RNLS: variants seen among roughly 807,000 people sequenced by gnomAD.
The protein encoded by RNLS is renalase, FAD dependent amine oxidase, also known as renalase.
In RNLS, 39 loss-of-function variants were observed where a neutral mutation model predicts 39.8. The observed-to-expected ratio is 0.98, with a 90% CI of 0.76 to 1.28. The LOEUF (loss-of-function observed/expected upper bound fraction) is 1.28, where lower values mean the gene tolerates loss of function less well. Ranked by LOEUF, RNLS falls within the 50% of genes most tolerant of loss-of-function variation. The pLI is 0.00. For synonymous variants in RNLS, 147 were observed against 150.7 expected (o/e 0.98, Z 0.18); for missense variants, 410 against 413.3 (o/e 0.99, Z 0.07).
the RNLS span, among the ~76,000 whole-genome samples, chr10:88,212,827 T>C: frequency 2.6e-5 from 4 of 152,216 alleles, no homozygotes; most frequent in African/African-American, 9.6e-5. Flanking sequence ...GCACATGTCT[T>C]GCCCAAGGGA....
intron 5 of RNLS, among the ~76,000 whole-genome samples, chr10:88,344,808 TG>T (rs1345573732): frequency 6.6e-6 from 1 of 152,132 alleles, no homozygotes; most frequent in African/African-American, 2.4e-5. Flanking sequence ...AACATGAATT[TG>T]GAATATTTTA....
chr10:88,263,654 A>AG, the RNLS span, among the ~76,000 whole-genome samples: 29 of 151,964 alleles, frequency 1.9e-4, no homozygotes, highest in Non-Finnish European at 4.1e-4. Context: ...ATTGGGAAAT[A>AG]GGGGGGTATT....
chr10:88,319,954 A>G (rs778647921), intron 5 of RNLS, among the ~76,000 whole-genome samples: 6 of 152,072 alleles, frequency 3.9e-5, no homozygotes, highest in Non-Finnish European at 8.8e-5. Context: ...GCAAGATACT[A>G]CAGAAGATGA....
intron 4 of RNLS, among the ~76,000 whole-genome samples, chr10:88,551,215 A>G (rs1218860573): frequency 6.6e-6 from 1 of 152,238 alleles, no homozygotes; most frequent in Non-Finnish European, 1.5e-5. Flanking sequence ...AAGCCAGCAT[A>G]GGTTTTCAAA....
chr10:88,545,000 T>G (rs2134302602), intron 4 of RNLS, among the ~76,000 whole-genome samples: 1 of 152,306 alleles, frequency 6.6e-6, no homozygotes, highest in East Asian at 1.9e-4. Context: ...TGGTAGCTAT[T>G]TGATAAAGAC....
At chr10:88,313,347 A>G (rs1383827605) in intron 6 of RNLS, among the ~76,000 whole-genome samples, 1 of 152,220 alleles carries the variant, frequency 6.6e-6, no homozygotes, top group Non-Finnish European at 1.5e-5. Flanking sequence ...TATCAACAAG[A>G]TTATTTCCCT....
intron 4 of RNLS, among the ~76,000 whole-genome samples, chr10:88,524,829 A>G (rs948712470): frequency 1.3e-5 from 2 of 151,292 alleles, no homozygotes; most frequent in Non-Finnish European, 2.9e-5. Context: ...GTATTCTTCA[A>G]GTACTAAAAC....
At chr10:88,420,235 G>A (rs1017598519) in intron 4 of RNLS, among the ~76,000 whole-genome samples, 10 of 151,908 alleles carry the variant, frequency 6.6e-5, no homozygotes, top group Non-Finnish European at 2.9e-5. Flanking sequence ...ATAATATCAT[G>A]TAAAGACTAG....
intron 6 of RNLS, chr10:88,309,356 T>C: frequency 8.2e-7 from 1 of 1,219,286 alleles, no homozygotes; most frequent in Non-Finnish European, 1.1e-6. Flanking sequence ...CACCTGACTT[T>C]TCAATGCTGA....
chr10:88,475,228 C>T (rs1420050739), intron 4 of RNLS, among the ~76,000 whole-genome samples: 1 of 152,180 alleles, frequency 6.6e-6, no homozygotes, highest in Non-Finnish European at 1.5e-5. Flanking sequence ...TTTTCACCTG[C>T]TCCACACTTT....
chr10:88,479,146 C>T (rs994943219), intron 4 of RNLS, among the ~76,000 whole-genome samples: 1 of 152,122 alleles, frequency 6.6e-6, no homozygotes, highest in African/African-American at 2.4e-5. Flanking sequence ...TTTGTATATC[C>T]TAGCATGGCA....
chr10:88,316,444 G>A (rs1484189176), intron 5 of RNLS, among the ~76,000 whole-genome samples: 1 of 152,162 alleles, frequency 6.6e-6, no homozygotes, highest in Non-Finnish European at 1.5e-5. Context: ...CAGTGACGGG[G>A]TATCAATGCC....
At chr10:88,551,441 T>C (rs1848594875) in intron 4 of RNLS, among the ~76,000 whole-genome samples, 1 of 152,196 alleles carries the variant, frequency 6.6e-6, no homozygotes. Context: ...CTTCGGCCTG[T>C]CCATGGACTA....
At chr10:88,327,795 G>A (rs753985829) in intron 5 of RNLS, among the ~76,000 whole-genome samples, 2 of 152,214 alleles carry the variant, frequency 1.3e-5, no homozygotes, top group Non-Finnish European at 2.9e-5. Flanking sequence ...TAGAGACGGA[G>A]TTTCACCATG....
chr10:88,350,972 C>G (rs893365627), intron 5 of RNLS, among the ~76,000 whole-genome samples: 2 of 152,200 alleles, frequency 1.3e-5, no homozygotes, highest in African/African-American at 2.4e-5. Flanking sequence ...TTGCATTTCT[C>G]TGATGGCCAG....
the RNLS span, among the ~76,000 whole-genome samples, chr10:88,213,803 C>T: frequency 1.2e-4 from 19 of 152,108 alleles, no homozygotes; most frequent in Non-Finnish European, 7.4e-5. Flanking sequence ...TTAACTGATC[C>T]TAGACTTTTT....
At chr10:88,492,623 T>G (rs1336445443) in intron 4 of RNLS, among the ~76,000 whole-genome samples, 2 of 152,076 alleles carry the variant, frequency 1.3e-5, no homozygotes, top group East Asian at 1.9e-4. Flanking sequence ...TTCTCTCTGT[T>G]GGCCAGGCTG....
At chr10:88,458,377 C>T (rs935004117) in intron 4 of RNLS, among the ~76,000 whole-genome samples, 10 of 152,170 alleles carry the variant, frequency 6.6e-5, no homozygotes, top group Non-Finnish European at 1.0e-4. Context: ...CTTCCTCCTC[C>T]GGTAATGTCT....
chr10:88,392,097 T>C (rs1852241879), intron 4 of RNLS, among the ~76,000 whole-genome samples: 1 of 152,258 alleles, frequency 6.6e-6, no homozygotes, highest in African/African-American at 2.4e-5. Context: ...TCACCCAATG[T>C]GAATATTTTT....
Sources: allele counts gnomAD v4.1 joint callset (sites outside exome capture counted in the v4.1 genomes callset), GRCh38; gene constraint gnomAD v4.1.1; transcripts MANE v1.5; gene names NCBI Gene and HGNC (gene_info 2026-07-23, HGNC 2026-07-21).